Variants in OPHN1 observed in about 807,000 individuals in gnomAD.
The protein encoded by OPHN1 is oligophrenin-1.
OPHN1 carries 11 observed loss-of-function variants against 60.7 expected under a neutral mutation model. That is an observed-to-expected ratio of 0.18 (90% CI 0.11 to 0.30). OPHN1 has a LOEUF of 0.30. Ranked by LOEUF, OPHN1 falls within the 10% of genes least tolerant of loss-of-function variation. OPHN1 has a pLI of 1.00. For missense variants in OPHN1, 449 were observed against 611.0 expected (o/e 0.73, Z 2.80); for synonymous variants, 226 against 222.6 (o/e 1.02, Z -0.14).
At position 68,197,268 on chromosome X, in the gene OPHN1, AG is replaced by A. The variant is rs767381449; in HGVS notation, c.1026-5del. On this transcript the variant is annotated splice_region_variant and splice_polypyrimidine_tract_variant and intron_variant, in intron 11 of 24. Transcript: ENST00000355520. Reference sequence around the variant, plus strand: ...CTGCAGAGTGATGGTTCCTGGCCTGAGGGGGAAAAAAATGGTAAGTATAAAG... The same window carrying A: ...CTGCAGAGTGATGGTTCCTGGCCTGAGGGGAAAAAAATGGTAAGTATAAAG... 1.2e-5 allele frequency: 14 copies of A among 1,197,442 alleles called. No individual in the cohort carries two copies. The highest frequency in any genetic ancestry group is 2.4e-4 in the Middle Eastern group (1 of 4,123).
chrX:68,426,016 G>C (rs1415931197), intron 2 of OPHN1, among the ~76,000 whole-genome samples: 1 of 110,050 alleles, frequency 9.1e-6, no homozygotes, highest in Non-Finnish European at 1.9e-5. Flanking sequence ...ATTTTTTGTA[G>C]AGACAAGGTT....
intron 2 of OPHN1, among the ~76,000 whole-genome samples, chrX:68,378,914 G>A (rs1378655537): frequency 4.5e-5 from 5 of 111,190 alleles, no homozygotes; most frequent in East Asian, 2.8e-4. Flanking sequence ...TTGGCAATGC[G>A]GGCTCTTTTT....
chrX:68,093,951 G>T (rs1212632469), intron 19 of OPHN1, among the ~76,000 whole-genome samples: 2 of 109,696 alleles, frequency 1.8e-5, no homozygotes, highest in East Asian at 2.9e-4. Context: ...TTCTTTAATG[G>T]ATTATGCTTT....
chrX:68,157,887 G>C (rs1171675111), intron 15 of OPHN1, among the ~76,000 whole-genome samples: 1 of 112,334 alleles, frequency 8.9e-6, no homozygotes, highest in Non-Finnish European at 1.9e-5. Context: ...AATACATTAA[G>C]TATTGGTAAA....
chrX:68,316,011 TA>T (rs757641968), intron 2 of OPHN1, among the ~76,000 whole-genome samples: 88 of 109,822 alleles, frequency 8.0e-4, no homozygotes, highest in Admixed American at 2.0e-3. Context: ...AACTAAAAAT[TA>T]AAAAAAACAG....
At chrX:68,080,840 A>C (rs1444945633) in intron 19 of OPHN1, among the ~76,000 whole-genome samples, 1 of 112,030 alleles carries the variant, frequency 8.9e-6, no homozygotes, top group Non-Finnish European at 1.9e-5. Context: ...TTTCTTACAG[A>C]AGGTTAATCA....
At chrX:68,216,398 C>T (rs1358542436) in intron 6 of OPHN1, among the ~76,000 whole-genome samples, 1 of 110,504 alleles carries the variant, frequency 9.0e-6, no homozygotes, top group Admixed American at 9.7e-5. Context: ...TATCTATGAC[C>T]CTTTTAAACG....
rs149277425 is a variant in OPHN1 at position 68,107,128 on chromosome X, C to T, written c.1526+4726G>A. On this transcript the variant is annotated intron_variant, in intron 18 of 24. Transcript: ENST00000355520. ...CTACAAAACCACAATAACATGTTTG[C>T]ATCTTAGAAAACGTAGATTCTATAT... Among the ~76,000 whole-genome samples, 272 of 112,147 alleles carry T rather than the reference C, an allele frequency of 2.4e-3. 2 individuals are homozygous for T. Among genetic ancestry groups the T allele is most frequent in the African/African-American group, 8.2e-3 (255 of 30,969 alleles).
intron 3 of OPHN1, among the ~76,000 whole-genome samples, chrX:68,288,674 G>T (rs184104070): frequency 3.6e-5 from 4 of 111,176 alleles, no homozygotes; most frequent in Non-Finnish European, 3.8e-5. Flanking sequence ...TGAGGCAGGA[G>T]AATTGCTTGA....
intron 6 of OPHN1, among the ~76,000 whole-genome samples, chrX:68,224,368 A>G (rs2077679133): frequency 8.9e-6 from 1 of 111,839 alleles, no homozygotes; most frequent in Non-Finnish European, 1.9e-5. Context: ...AGACGCAAAG[A>G]AAAGTAAGGC....
rs762408286 is a variant in OPHN1 at position 68,044,528 on chromosome X, G to T, written c.*2644C>A. 1 of 112,390 alleles carries T rather than the reference G, an allele frequency of 8.9e-6. No individual in the cohort carries two copies. Among genetic ancestry groups the T allele is most frequent in the East Asian group, 2.8e-4 (1 of 3,571 alleles). 9.3% of individuals were successfully genotyped at this position (112,390 alleles called of 1,213,427 possible). A position where few individuals can be genotyped will look rare whatever the true frequency, so the allele number is the denominator to read the frequency against. On this transcript the variant is annotated 3_prime_UTR_variant, in exon 25 of 25. Coordinates refer to ENST00000355520, the MANE Select transcript of OPHN1 (RefSeq NM_002547.3). ...CCAGATTCTCTAACTTGCTGGCCAA[G>T]GTATGTTGATAATTTCCTATAGCTG...
chrX:68,256,090 C>T (rs1436773717), intron 5 of OPHN1, among the ~76,000 whole-genome samples: 4 of 111,261 alleles, frequency 3.6e-5, no homozygotes, highest in Non-Finnish European at 5.7e-5. Context: ...ACTGCGAATG[C>T]ACCAGATTTT....
intron 23 of OPHN1, among the ~76,000 whole-genome samples, chrX:68,049,909 C>T (rs936952359): frequency 4.6e-4 from 52 of 112,125 alleles, no homozygotes; most frequent in African/African-American, 1.6e-3. Context: ...TGAGCCACTA[C>T]TCATTTTCTT....
At chrX:68,223,067 G>C (rs964829190) in intron 6 of OPHN1, among the ~76,000 whole-genome samples, 1 of 111,760 alleles carries the variant, frequency 8.9e-6, no homozygotes, top group African/African-American at 3.2e-5. Flanking sequence ...GGTTAAAAGG[G>C]AATGCTTATT....
intron 15 of OPHN1, among the ~76,000 whole-genome samples, chrX:68,152,901 A>G (rs2147492306): frequency 9.0e-6 from 1 of 110,628 alleles, no homozygotes; most frequent in South Asian, 3.9e-4. Flanking sequence ...TGTTAACAGA[A>G]TGTTGTAAAT....
chrX:68,061,185 A>G (rs1484357854), intron 21 of OPHN1, among the ~76,000 whole-genome samples: 11 of 112,146 alleles, frequency 9.8e-5, no homozygotes, highest in Non-Finnish European at 2.1e-4. Context: ...AAATGAAGCC[A>G]GGCAAAGCTG....
intron 15 of OPHN1, among the ~76,000 whole-genome samples, chrX:68,164,315 G>A (rs2077348505): frequency 8.9e-6 from 1 of 111,819 alleles, no homozygotes; most frequent in African/African-American, 3.2e-5. Flanking sequence ...GGCAGCTATG[G>A]CCTTACAAAA....
At position 68,287,743 on chromosome X, in the gene OPHN1, A is replaced by C. The variant is rs185370815; in HGVS notation, c.251-4626T>G. Among the ~76,000 whole-genome samples the C allele has an allele frequency of 2.9e-3, 331 of 112,312 alleles. 2 individuals are homozygous for C. Among genetic ancestry groups the C allele is most frequent in the Non-Finnish European group, 4.1e-3 (216 of 53,292 alleles). On this transcript the variant is annotated intron_variant, in intron 3 of 24. Transcript: ENST00000355520. ...GGCAAATTAAAATGTCATAGAGCTC[A>C]GTGTTTTCTCAACTATTCAGCCATT... is the stretch of plus-strand genomic sequence containing the variant.
intron 15 of OPHN1, among the ~76,000 whole-genome samples, chrX:68,131,244 C>T (rs2363435): frequency 8.5e-4 from 86 of 101,652 alleles, no homozygotes; most frequent in African/African-American, 3.1e-3. Context: ...ATTGAGAGGG[C>T]GTTTTGCTCT....
Sources: allele counts gnomAD v4.1 joint callset (sites outside exome capture counted in the v4.1 genomes callset), GRCh38; gene constraint gnomAD v4.1.1; transcripts MANE v1.5; gene names NCBI Gene and HGNC (gene_info 2026-07-23, HGNC 2026-07-21).